ADAMTS2: variants seen among roughly 807,000 people sequenced by gnomAD.
ADAMTS2 encodes the protein A disintegrin and metalloproteinase with thrombospondin motifs 2.
A neutral mutation model predicts 123.0 loss-of-function variants in ADAMTS2; 50 were observed. The observed-to-expected ratio is 0.41, with a 90% confidence interval of 0.32 to 0.51. The LOEUF is 0.51. ADAMTS2 is among the 20% of genes least tolerant of loss of function. ADAMTS2 has a pLI of 0.35. For missense variants in ADAMTS2, 1,494 were observed against 1,705.2 expected, an observed-to-expected ratio of 0.88 and a Z score of 2.18; for synonymous variants, 678 against 695.4, an observed-to-expected ratio of 0.98 and a Z score of 0.39.
At chr5:179,283,942 G>GAAT (rs1755918105) in intron 2 of ADAMTS2, among the ~76,000 whole-genome samples, 1 of 138,272 alleles carries the variant, frequency 7.2e-6, no homozygotes, top group Non-Finnish European at 1.6e-5. Context: ...TAAATGGTCA[G>GAAT]ATGATTATTA....
intron 3 of ADAMTS2, among the ~76,000 whole-genome samples, chr5:179,268,875 A>T (rs1048167629): frequency 2.0e-5 from 3 of 152,190 alleles, no homozygotes; most frequent in Non-Finnish European, 4.4e-5. Flanking sequence ...CTTGTACGTG[A>T]GGGCCATTCA....
intron 2 of ADAMTS2, among the ~76,000 whole-genome samples, chr5:179,283,878 A>G (rs1214281207): frequency 6.6e-6 from 1 of 151,242 alleles, no homozygotes; most frequent in Non-Finnish European, 1.5e-5. Flanking sequence ...AGACAGAGAC[A>G]GACCCTGACT....
intron 17 of ADAMTS2, among the ~76,000 whole-genome samples, chr5:179,126,769 A>G (rs1762866831): frequency 1.3e-5 from 2 of 152,192 alleles, no homozygotes; most frequent in Non-Finnish European, 2.9e-5. Context: ...AAGCATGGAG[A>G]TAAAGCCTGA....
At chr5:179,157,958 G>GT (rs1491033463) in intron 6 of ADAMTS2, among the ~76,000 whole-genome samples, 13 of 144,180 alleles carry the variant, frequency 9.0e-5, no homozygotes, top group Middle Eastern at 3.6e-3. Context: ...TGGTTTGTTT[G>GT]GTTTTTTTTG....
chr5:179,132,242 T>C lies in ADAMTS2; in HGVS notation c.2278A>G (p.Ser760Gly), dbSNP rs750317544. 6.2e-7 allele frequency: 1 copy of C among 1,614,086 alleles called. No individual in the cohort carries two copies. Among genetic ancestry groups the C allele is most frequent in the Non-Finnish European group, 8.5e-7 (1 of 1,180,020 alleles). The stretch of plus-strand genomic sequence containing the variant: ...CTCTGAGACTCACCCAGATGGTGGC[T>C]GGTGGCGTCTACCTCCTGAATGAGC... ...HLLIQEVDAT[S>G]HHLAVKNLET... Residue 760 changes from serine to glycine, a missense_variant, in exon 15 of 22, where the codon AGC becomes GGC. Ser to Gly is a moderately conservative substitution (Grantham distance 56). This residue lies in a region of ADAMTS2 where 953 missense variants were observed against 1,124.7 expected (regional missense o/e 0.85). Transcript: ENST00000251582. This position sits in a 1 kb window ranked among gnomAD's most constrained non-coding sequence, Gnocchi z 6.1.
rs548589980 is a variant in ADAMTS2, at chr5:179,308,175, C to T, written c.535-35111G>A. 5.6e-4 allele frequency among the ~76,000 whole-genome samples: 86 copies of T among 152,290 alleles called. 1 individual carries two copies. The highest frequency in any genetic ancestry group is 9.1e-4 in the Admixed American group (14 of 15,302). On this transcript the variant is annotated intron_variant, in intron 2 of 21. Transcript: ENST00000251582. The surrounding 1 kb of genome is among the most constrained non-coding windows in gnomAD (Gnocchi z 6.6). ...AAAACAGGGGTTTAAGTGGAGGATC[C>T]GGTGCTCTGATTTCTCCCCAGTTAG...
intron 3 of ADAMTS2, among the ~76,000 whole-genome samples, chr5:179,214,906 G>A (rs113625591): frequency 1.3e-5 from 2 of 151,578 alleles, no homozygotes; most frequent in East Asian, 1.9e-4. Flanking sequence ...AATCTCCGTC[G>A]AATAATTGTT....
In ADAMTS2 at chr5:179,205,757, GTTA is replaced by G. The variant is rs148528271; in HGVS notation, c.891+1753_891+1755del. 1.4e-3 allele frequency among the ~76,000 whole-genome samples: 159 copies of G among 115,900 alleles called. 1 individual carries two copies. The highest frequency in any genetic ancestry group is 3.4e-3 in the African/African-American group (121 of 35,292). 76.0% of individuals were successfully genotyped at this position (115,900 alleles called of 152,430 possible). A position where few individuals can be genotyped will look rare whatever the true frequency, so the allele number is the denominator to read the frequency against. On this transcript the variant is annotated intron_variant, in intron 4 of 21. Transcript: ENST00000251582. ...ATAATGTAGCCATTATGGTTTTATT[GTTA>G]TTATTATTATTATTATTATTATTAT...
rs182359932 is a variant in ADAMTS2, at chr5:179,242,160, C to T, written c.688+30751G>A. Among the ~76,000 whole-genome samples the T allele has an allele frequency of 1.4e-4, 21 of 152,224 alleles. No homozygotes were observed. The highest frequency in any genetic ancestry group is 4.8e-4 in the African/African-American group (20 of 41,538). On this transcript the variant is annotated intron_variant, in intron 3 of 21. Transcript: ENST00000251582. This position sits in a 1 kb window ranked among gnomAD's most constrained non-coding sequence, Gnocchi z 4.2. Reference sequence around the variant, plus strand: ...AGCTCACAGCGTAGGCCTGGGGCTGCGTATGTGAAGAGCCAATCTGAGAAG... The same window carrying T: ...AGCTCACAGCGTAGGCCTGGGGCTGTGTATGTGAAGAGCCAATCTGAGAAG...
chr5:179,284,167 A>G (rs1287384291), intron 2 of ADAMTS2, among the ~76,000 whole-genome samples: 2 of 150,632 alleles, frequency 1.3e-5, no homozygotes, highest in Non-Finnish European at 3.0e-5. Context: ...CGTCTCTACT[A>G]AAAACACAAA....
Position 179,345,319 on chromosome 5 carries a change from G to A in ADAMTS2, c.10C>T (p.Pro4Ser). Reference sequence around the variant, plus strand: ...AGCAGGCGGCGAGCGGCTCCCGCCGGCGGATCCATGGCAGCCGGACTGCAG... The same window carrying A: ...AGCAGGCGGCGAGCGGCTCCCGCCGACGGATCCATGGCAGCCGGACTGCAG... MDP[P>S]AGAARRLLCP... The change falls in exon 1 of 22, where the codon CCG (proline) becomes TCG (serine). Residue 4 changes from proline to serine, a missense_variant. Around this residue, in one of 6 missense-constraint regions of ADAMTS2, gnomAD observed 237 missense variants for 233.7 expected, o/e 1.01. Transcript: ENST00000251582. This position sits in a 1 kb window ranked among gnomAD's most constrained non-coding sequence, Gnocchi z 7.5. 8.8e-7 allele frequency: 1 copy of A among 1,135,382 alleles called. No individual in the cohort carries two copies. The highest frequency in any genetic ancestry group is 1.1e-6 in the Non-Finnish European group (1 of 926,844). 70.3% of individuals were successfully genotyped at this position (1,135,382 alleles called of 1,614,324 possible).
chr5:179,292,558 T>A (rs1756219224), intron 2 of ADAMTS2, among the ~76,000 whole-genome samples: 1 of 152,022 alleles, frequency 6.6e-6, no homozygotes, highest in African/African-American at 2.4e-5. Flanking sequence ...TTGTTATAAA[T>A]TTTTTAATCA....
Position 179,245,792 on chromosome 5 carries a change from A to C in ADAMTS2, c.688+27119T>G, listed in dbSNP as rs868846363. On this transcript the variant is annotated intron_variant, in intron 3 of 21. Transcript: ENST00000251582. ...AAAAAAAAAAAAAAAAAAAAAAAAAAAAACAAAAAAAACAAAGATGGGGGT... is the reference window on the plus strand; with the variant it reads ...AAAAAAAAAAAAAAAAAAAAAAAAACAAACAAAAAAAACAAAGATGGGGGT... Among the ~76,000 whole-genome samples, 59 of 97,000 alleles carry C rather than the reference A, an allele frequency of 6.1e-4. 2 individuals are homozygous for C. The highest frequency in any genetic ancestry group is 8.7e-4 in the African/African-American group (29 of 33,488). The allele number at this position is 97,000 out of a possible 152,430, so 63.6% of individuals were successfully genotyped here. A position where few individuals can be genotyped will look rare whatever the true frequency, so the allele number is the denominator to read the frequency against.
intron 12 of ADAMTS2, 141 bp downstream of exon 12, chr5:179,137,628 A>C (rs1400720057): frequency 1.2e-5 from 14 of 1,184,696 alleles, no homozygotes; most frequent in Non-Finnish European, 1.7e-5. Context: ...CAGGGCAGCC[A>C]CACCAGCCAG....
Position 179,285,037 on chromosome 5 carries a change from T to G in ADAMTS2, c.535-11973A>C, listed in dbSNP as rs1331623382. Among the ~76,000 whole-genome samples the G allele has an allele frequency of 6.6e-6, 1 of 152,122 alleles. No individual in the cohort carries two copies. Among genetic ancestry groups the G allele is most frequent in the Non-Finnish European group, 1.5e-5 (1 of 68,024 alleles). On this transcript the variant is annotated intron_variant, in intron 2 of 21. Transcript: ENST00000251582. The surrounding 1 kb of genome is among the most constrained non-coding windows in gnomAD (Gnocchi z 4.9). ...ATAATAACAGGGTTTCCATGGCTGATGTGAGGGCTAAGCGAGATACTGCGT... is the reference window on the plus strand; with the variant it reads ...ATAATAACAGGGTTTCCATGGCTGAGGTGAGGGCTAAGCGAGATACTGCGT...
In ADAMTS2 at chr5:179,256,860, G is replaced by A. The variant is rs76218286; in HGVS notation, c.688+16051C>T. Among the ~76,000 whole-genome samples, 517 of 152,384 alleles carry A rather than the reference G, an allele frequency of 3.4e-3. 7 individuals carry two copies. Among genetic ancestry groups the A allele is most frequent in the African/African-American group, 0.012 (488 of 41,604 alleles). ...TTGTACGAGTCAAATAAAACATTGC[G>A]GGGTGGGGCGGCGAGGCCGCCCAAG... On this transcript the variant is annotated intron_variant, in intron 3 of 21. Coordinates refer to ENST00000251582, the MANE Select transcript of ADAMTS2 (RefSeq NM_014244.5). This position sits in a 1 kb window ranked among gnomAD's most constrained non-coding sequence, Gnocchi z 4.1.
intron 2 of ADAMTS2, among the ~76,000 whole-genome samples, chr5:179,320,536 T>G (rs1294095545): frequency 2.7e-5 from 4 of 150,930 alleles, no homozygotes. Flanking sequence ...GCCAGGATGG[T>G]CTCAATCTCC....
At chr5:179,326,905 G>A (rs1025527416) in intron 2 of ADAMTS2, among the ~76,000 whole-genome samples, 15 of 152,228 alleles carry the variant, frequency 9.9e-5, no homozygotes, top group South Asian at 2.1e-4. Flanking sequence ...AGGAAGAAAT[G>A]ACCGTTCCAA....
intron 4 of ADAMTS2, among the ~76,000 whole-genome samples, chr5:179,187,303 GT>G: frequency 6.6e-6 from 1 of 152,310 alleles, no homozygotes. Flanking sequence ...GGCCAGGAGG[GT>G]CTGGCCCTGC....
Sources: gnomAD v4.1 joint callset for allele counts (sites outside exome capture counted in the v4.1 genomes callset) on GRCh38, gnomAD v4.1.1 for gene constraint, gnomAD v4.1.1 regional missense constraint, Gnocchi (gnomAD v3.1) non-coding constraint, MANE v1.5 for transcripts, NCBI Gene and HGNC (gene_info 2026-07-23, HGNC 2026-07-21) for gene names.